Variants in STPG2 observed in about 807,000 individuals in gnomAD.
STPG2 encodes sperm tail PG-rich repeat containing 2.
STPG2 carries 56 observed loss-of-function variants against 54.2 expected under a neutral mutation model. The observed-to-expected ratio is 1.03, with a 90% CI of 0.83 to 1.29. STPG2 has a LOEUF of 1.29. Ranked by LOEUF, STPG2 falls within the 50% of genes most tolerant of loss-of-function variation. The pLI is 0.00. For synonymous variants in STPG2, 200 were observed against 181.8 expected (o/e 1.10, Z -0.81); for missense variants, 596 against 544.9 (o/e 1.09, Z -0.93).
intron 1 of STPG2, among the ~76,000 whole-genome samples, chr4:98,137,927 CAAGTAA>C (rs1430658519): frequency 1.3e-5 from 2 of 151,800 alleles, no homozygotes; most frequent in Non-Finnish European, 2.9e-5. Flanking sequence ...ATATTGAGCA[CAAGTAA>C]AACTACAAAA....
intron 4 of STPG2, among the ~76,000 whole-genome samples, chr4:97,459,001 T>C (rs1729593032): frequency 6.6e-6 from 1 of 152,146 alleles, no homozygotes; most frequent in African/African-American, 2.4e-5. Context: ...CTGAATTTGA[T>C]AATGTTTTAT....
At chr4:97,690,429 C>A (rs1383425907) in intron 10 of STPG2, among the ~76,000 whole-genome samples, 1 of 151,962 alleles carries the variant, frequency 6.6e-6, no homozygotes, top group Non-Finnish European at 1.5e-5. Flanking sequence ...TCTATACGGG[C>A]AAATCAATAC....
At chr4:98,137,831 C>T (rs780463187) in intron 1 of STPG2, among the ~76,000 whole-genome samples, 79 of 151,766 alleles carry the variant, frequency 5.2e-4, no homozygotes, top group Non-Finnish European at 1.1e-3. Flanking sequence ...TAAAGAGAAT[C>T]AAGAAAGCTG....
chr4:98,100,393 T>C (rs1560678831), intron 5 of STPG2, among the ~76,000 whole-genome samples: 1 of 152,088 alleles, frequency 6.6e-6, no homozygotes. Flanking sequence ...TAATCATAAG[T>C]TCAGACAAAA....
chr4:97,529,053 C>T (rs990907946), intron 4 of STPG2, among the ~76,000 whole-genome samples: 5 of 152,176 alleles, frequency 3.3e-5, no homozygotes, highest in Admixed American at 3.3e-4. Flanking sequence ...GCATCCTTGT[C>T]TTGTGCCAGT....
intron 4 of STPG2, among the ~76,000 whole-genome samples, chr4:97,516,440 A>C (rs1731076562): frequency 1.3e-5 from 2 of 152,092 alleles, no homozygotes; most frequent in African/African-American, 4.8e-5. Flanking sequence ...ACTTGGAGCA[A>C]GCTTTAGGAA....
At chr4:97,520,531 C>T (rs1297952500) in intron 4 of STPG2, among the ~76,000 whole-genome samples, 1 of 152,056 alleles carries the variant, frequency 6.6e-6, no homozygotes, top group African/African-American at 2.4e-5. Context: ...TTTACCATAA[C>T]ATTTAGTCAC....
At chr4:97,801,159 G>A (rs1419696657) in intron 9 of STPG2, among the ~76,000 whole-genome samples, 1 of 152,166 alleles carries the variant, frequency 6.6e-6, no homozygotes, top group Non-Finnish European at 1.5e-5. Context: ...CCCTGCCTCA[G>A]CTCATGCTCA....
Position 97,677,690 on chromosome 4 carries a change from T to C in STPG2, c.1320+35009A>G, listed in dbSNP as rs1001099712. 3.3e-5 allele frequency among the ~76,000 whole-genome samples: 5 copies of C among 152,174 alleles called. 1 individual carries two copies. Among genetic ancestry groups the C allele is most frequent in the Admixed American group, 3.3e-4 (5 of 15,282 alleles). ...TCTCTCCCTCCTGGCATATAGAACTTAGATGTTATGTCGAGAACAACCATC... is the reference window on the plus strand; with the variant it reads ...TCTCTCCCTCCTGGCATATAGAACTCAGATGTTATGTCGAGAACAACCATC... On this transcript the variant is annotated intron_variant, in intron 10 of 10. Transcript: ENST00000295268.
intron 8 of STPG2, among the ~76,000 whole-genome samples, chr4:97,876,050 C>T (rs188341736): frequency 1.4e-4 from 21 of 152,106 alleles, no homozygotes; most frequent in African/African-American, 5.1e-4. Flanking sequence ...GTACACAGTT[C>T]GTCTACTGTA....
At chr4:97,877,080 A>G (rs189478935) in intron 8 of STPG2, among the ~76,000 whole-genome samples, 4 of 152,218 alleles carry the variant, frequency 2.6e-5, no homozygotes, top group Non-Finnish European at 5.9e-5. Flanking sequence ...TTAACAATTT[A>G]TCATGTTTTT....
At chr4:97,607,113 T>C (rs1021138833) in intron 10 of STPG2, among the ~76,000 whole-genome samples, 4 of 152,074 alleles carry the variant, frequency 2.6e-5, no homozygotes, top group African/African-American at 9.7e-5. Flanking sequence ...AAGGTATTGA[T>C]TTTGCCCACA....
At chr4:98,023,655 GCCT>G (rs1446248151) in intron 5 of STPG2, among the ~76,000 whole-genome samples, 2 of 152,182 alleles carry the variant, frequency 1.3e-5, no homozygotes, top group East Asian at 3.9e-4. Flanking sequence ...AGGCAGGCAG[GCCT>G]CCTTGAGCTG....
intron 4 of STPG2, among the ~76,000 whole-genome samples, chr4:97,478,243 AAGT>A (rs1176279252): frequency 2.0e-5 from 3 of 152,196 alleles, no homozygotes. Context: ...ATACTGAGTC[AAGT>A]AGTATGGAGA....
At chr4:97,811,121 A>C (rs1727725686) in intron 9 of STPG2, among the ~76,000 whole-genome samples, 1 of 152,170 alleles carries the variant, frequency 6.6e-6, no homozygotes, top group South Asian at 2.1e-4. Context: ...TTACTGTTCA[A>C]ACAGGTTGTT....
chr4:97,557,553 C>G (rs1732109837), downstream of STPG2, among the ~76,000 whole-genome samples: 2 of 152,022 alleles, frequency 1.3e-5, no homozygotes, highest in Admixed American at 6.6e-5. Flanking sequence ...TTCAACTCAG[C>G]CACTGAAAAA....
chr4:97,785,660 T>TA (rs1256237844), intron 9 of STPG2, among the ~76,000 whole-genome samples: 2 of 151,920 alleles, frequency 1.3e-5, no homozygotes, highest in African/African-American at 4.8e-5. Flanking sequence ...TATCAGGATA[T>TA]AAAAAATAAA....
intron 4 of STPG2, among the ~76,000 whole-genome samples, chr4:97,478,021 T>C (rs1426495392): frequency 6.6e-6 from 1 of 152,114 alleles, no homozygotes; most frequent in Non-Finnish European, 1.5e-5. Flanking sequence ...AGCTATCGCA[T>C]AAGTAATAAT....
At chr4:97,609,534 A>T (rs190885704) in intron 10 of STPG2, among the ~76,000 whole-genome samples, 1 of 152,008 alleles carries the variant, frequency 6.6e-6, no homozygotes, top group Non-Finnish European at 1.5e-5. Context: ...CATCCTGAGC[A>T]TATCAGTGAG....
Sources: allele counts gnomAD v4.1 joint callset (sites outside exome capture counted in the v4.1 genomes callset), GRCh38; gene constraint gnomAD v4.1.1; transcripts MANE v1.5; gene names NCBI Gene and HGNC (gene_info 2026-07-23, HGNC 2026-07-21).